KMT2C: variants seen among roughly 807,000 people sequenced by gnomAD.
KMT2C encodes the protein histone-lysine N-methyltransferase 2C.
Under a neutral mutation model 507.9 loss-of-function variants are expected in KMT2C, and 88 were observed. The ratio of observed to expected loss-of-function variants is 0.17; its 90% CI spans 0.15 to 0.21. The LOEUF is 0.21. Ranked by LOEUF, KMT2C falls within the 10% of genes least tolerant of loss-of-function variation. KMT2C has a pLI of 1.00. For synonymous variants in KMT2C, 2,049 were observed against 2,080.8 expected, an observed-to-expected ratio of 0.98 and a Z score of 0.42; for missense variants, 4,954 against 5,957.8, an observed-to-expected ratio of 0.83 and a Z score of 5.55.
At chr7:152,424,282 A>G (rs1236423824) in intron 1 of KMT2C, among the ~76,000 whole-genome samples, 1 of 151,922 alleles carries the variant, frequency 6.6e-6, no homozygotes, top group Non-Finnish European at 1.5e-5. Context: ...CCCAGCTCCA[A>G]ATACTCTTTG....
chr7:152,171,134 T>C (rs1028979851), intron 40 of KMT2C, 130 bp downstream of exon 40: 3 of 496,096 alleles, frequency 6.0e-6, no homozygotes, highest in Admixed American at 4.3e-5. Context: ...AAATGGCATA[T>C]GGTGAAATCC....
rs750692871 is a variant in KMT2C at position 152,176,383 on chromosome 7, T to C, written c.9070A>G (p.Ser3024Gly). The part of the protein sequence containing the change: ...GPQTSQSGTS[S>G]MSGPQQLMIP... Reference sequence around the variant, plus strand: ...ATTAGCTGTTGGGGTCCAGACATGCTACTGGTACCAGACTGACTTGTTTGA... The same window carrying C: ...ATTAGCTGTTGGGGTCCAGACATGCCACTGGTACCAGACTGACTTGTTTGA... The change falls in exon 38 of 59, where the codon AGC becomes GGC. Residue 3024 changes from serine to glycine, a missense_variant. Transcript: ENST00000262189. 2.2e-5 allele frequency: 35 copies of C among 1,614,032 alleles called. No individual in the cohort carries two copies. The highest frequency in any genetic ancestry group is 8.5e-6 in the Non-Finnish European group (10 of 1,180,022).
At chr7:152,251,027 C>A (rs2095554829) in intron 11 of KMT2C, 61 bp from the exon 12 acceptor site, 2 of 926,230 alleles carry the variant, frequency 2.2e-6, no homozygotes, top group South Asian at 1.4e-5. Flanking sequence ...TTCATTAAGT[C>A]AACAATTATG....
At chr7:152,312,439 G>C (rs1434343357) in intron 4 of KMT2C, 1 of 152,372 alleles carries the variant, frequency 6.6e-6, no homozygotes, top group Non-Finnish European at 1.5e-5. Context: ...ACCCACTACA[G>C]AGTGTGAAAA....
intron 41 of KMT2C, 105 bp from the exon 42 acceptor site, chr7:152,167,483 A>C: frequency 1.4e-6 from 1 of 694,040 alleles, no homozygotes; most frequent in South Asian, 1.8e-5. Flanking sequence ...TGACCACATA[A>C]TAGGAAATTT....
intron 7 of KMT2C, among the ~76,000 whole-genome samples, chr7:152,273,002 A>G (rs2096006278): frequency 6.6e-6 from 1 of 152,190 alleles, no homozygotes; most frequent in African/African-American, 2.4e-5. Context: ...ACTAGGAGAA[A>G]AAAGATCCCA....
rs2116821765 is a variant in KMT2C, at chr7:152,435,732, G to T, written c.55C>A (p.Pro19Thr). ...VEQPQPPPPP[P>T]EEPGAPAPSP... ...GGGGCCGGGGCTCCAGGCTCCTCGG[G>T]GGGTGGTGGCGGCGGCTGCGGCTGC... Residue 19 changes from proline (P) to threonine (T), a missense_variant, in exon 1 of 59, where the codon CCC becomes ACC. Pro to Thr is a conservative substitution (Grantham distance 38). Around this residue, in one of 29 missense-constraint regions of KMT2C, gnomAD observed 51 missense variants for 43.5 expected, o/e 1.17. Coordinates refer to ENST00000262189, the MANE Select transcript of KMT2C (RefSeq NM_170606.3). 6.5e-7 allele frequency: 1 copy of T among 1,530,628 alleles called. No individual in the cohort carries two copies. Among genetic ancestry groups the T allele is most frequent in the Admixed American group, 2.0e-5 (1 of 48,922 alleles). The allele number at this position is 1,530,628 out of a possible 1,614,324, so 94.8% of individuals were successfully genotyped here. A position where few individuals can be genotyped will look rare whatever the true frequency, so the allele number is the denominator to read the frequency against.
intron 43 of KMT2C, 61 bp downstream of exon 43, chr7:152,162,056 C>G: frequency 6.8e-7 from 1 of 1,461,786 alleles, no homozygotes; most frequent in Admixed American, 2.4e-5. Context: ...TGGTACTAAT[C>G]TGCTGTAAGT....
chr7:152,418,369 G>A (rs1284466031), intron 1 of KMT2C, among the ~76,000 whole-genome samples: 1 of 152,174 alleles, frequency 6.6e-6, no homozygotes, highest in Non-Finnish European at 1.5e-5. Flanking sequence ...AAAGGCAGTA[G>A]GGTGAGAAGA....
At chr7:152,143,998 A>G (rs2090861366) in intron 55 of KMT2C, among the ~76,000 whole-genome samples, 1 of 152,208 alleles carries the variant, frequency 6.6e-6, no homozygotes, top group Non-Finnish European at 1.5e-5. Flanking sequence ...AATTTTTAGG[A>G]GAAAACAGAA....
At chr7:152,422,850 C>T (rs921931316) in intron 1 of KMT2C, among the ~76,000 whole-genome samples, 1 of 151,632 alleles carries the variant, frequency 6.6e-6, no homozygotes, top group Non-Finnish European at 1.5e-5. Flanking sequence ...GGTGAAACCC[C>T]GTCTCTAATA....
In KMT2C at chr7:152,280,787, CAG is replaced by C. The variant is rs1161164679; in HGVS notation, c.850-6922_850-6921del. Among the ~76,000 whole-genome samples the C allele has an allele frequency of 1.3e-4, 20 of 152,226 alleles. No individual in the cohort carries two copies. In the East Asian group the frequency reaches 3.3e-3, roughly 25 times the overall value. ...TTGCTTTATTGTAACAGATAACAAA[CAG>C]AGCAGCATTTCAAGGCCCTCCATGC... On this transcript the variant is annotated intron_variant, in intron 6 of 58. Transcript: ENST00000262189.
chr7:152,165,722 CT>C lies in KMT2C; in HGVS notation c.9750+1423del, dbSNP rs1183336039. On this transcript the variant is annotated intron_variant, in intron 42 of 58. Coordinates refer to ENST00000262189, the MANE Select transcript of KMT2C (RefSeq NM_170606.3). The stretch of plus-strand genomic sequence containing the variant: ...TTGTTTTTGAGACAAGAGTTTTGCT[CT>C]TGTTGCCCAGGCTGGAGTGCAATGG... Among the ~76,000 whole-genome samples the C allele has an allele frequency of 3.9e-5, 6 of 152,158 alleles. 1 individual carries two copies. The highest frequency in any genetic ancestry group is 1.4e-4 in the African/African-American group (6 of 41,518).
In KMT2C at chr7:152,162,002, C is replaced by T. The variant is rs1168329743; in HGVS notation, c.11460+115G>A. The T allele has an allele frequency of 7.3e-6, 9 of 1,228,254 alleles. No individual in the cohort carries two copies. In the South Asian group the frequency reaches 2.5e-4, roughly 34 times the overall value. 76.1% of individuals were successfully genotyped at this position (1,228,254 alleles called of 1,614,324 possible). On this transcript the variant is annotated intron_variant, in intron 43 of 58. Coordinates refer to ENST00000262189, the MANE Select transcript of KMT2C (RefSeq NM_170606.3). Reference sequence around the variant, plus strand: ...AGAAATGACAAAATAAAAAATGGTCCTTTAGAATAAAAAGGTTGTAGAATA... The same window carrying T: ...AGAAATGACAAAATAAAAAATGGTCTTTTAGAATAAAAAGGTTGTAGAATA...
intron 1 of KMT2C, among the ~76,000 whole-genome samples, chr7:152,399,737 T>G (rs80336325): frequency 6.7e-6 from 1 of 148,306 alleles, no homozygotes; most frequent in African/African-American, 2.5e-5. Flanking sequence ...CAACAAAATT[T>G]AAAAAAAAAA....
intron 13 of KMT2C, among the ~76,000 whole-genome samples, chr7:152,249,574 T>C (rs2095529541): frequency 6.6e-6 from 1 of 150,626 alleles, no homozygotes; most frequent in East Asian, 2.0e-4. Flanking sequence ...TCTCATCTTC[T>C]TTCCCACTTT....
At chr7:152,345,429 G>A (rs2097048871) in intron 2 of KMT2C, among the ~76,000 whole-genome samples, 1 of 152,144 alleles carries the variant, frequency 6.6e-6, no homozygotes. Flanking sequence ...GTGATACAGT[G>A]AGATTCTGTC....
At chr7:152,178,041 A>AAAAAAAAAAAAAAGC in intron 37 of KMT2C, 31 bp from the exon 38 acceptor site, 2 of 1,276,142 alleles carry the variant, frequency 1.6e-6, no homozygotes, top group Non-Finnish European at 2.0e-6. Flanking sequence ...AAAAAAAAAA[A>AAAAAAAAAAAAAAGC]AGCAAATAGG....
At chr7:152,276,861 T>C (rs2096091002) in intron 6 of KMT2C, among the ~76,000 whole-genome samples, 1 of 152,246 alleles carries the variant, frequency 6.6e-6, no homozygotes, top group Admixed American at 6.5e-5. Flanking sequence ...CTTTTATTCA[T>C]CATTAAAAAG....
Sources: gnomAD v4.1 joint callset for allele counts (sites outside exome capture counted in the v4.1 genomes callset) on GRCh38, gnomAD v4.1.1 for gene constraint, gnomAD v4.1.1 regional missense constraint, MANE v1.5 for transcripts, NCBI Gene and HGNC (gene_info 2026-07-23, HGNC 2026-07-21) for gene names.